Variants in RORA observed in about 807,000 individuals in gnomAD.
RORA encodes the protein RAR related orphan receptor A.
In RORA, 7 loss-of-function variants were observed where a neutral mutation model predicts 69.5. The observed-to-expected ratio is 0.10, with a 90% confidence interval of 0.06 to 0.19. RORA has a LOEUF of 0.19. Ranked by LOEUF, RORA falls within the 10% of genes least tolerant of loss-of-function variation. The probability of loss-of-function intolerance (pLI) is 1.00; values close to 1 mark genes in which losing one functional copy is unlikely to be tolerated. For synonymous variants in RORA, 261 were observed against 240.8 expected (o/e 1.08, Z -0.78); for missense variants, 457 against 663.0 (o/e 0.69, Z 3.41).
chr15:60,882,538 T>C (rs1228561858), intron 1 of RORA, among the ~76,000 whole-genome samples: 1 of 151,844 alleles, frequency 6.6e-6, no homozygotes, highest in Non-Finnish European at 1.5e-5. Context: ...AGTTTGGAGG[T>C]GGTAGAGCTA....
chr15:61,184,644 C>T (rs1383346985), intron 1 of RORA, among the ~76,000 whole-genome samples: 1 of 152,128 alleles, frequency 6.6e-6, no homozygotes, highest in Non-Finnish European at 1.5e-5. Flanking sequence ...GAGTACTTGG[C>T]ATACAGTCAG....
chr15:60,998,702 C>T (rs141850731), intron 1 of RORA, among the ~76,000 whole-genome samples: 1,403 of 129,664 alleles, frequency 0.011, 18 homozygotes, highest in African/African-American at 0.034. Flanking sequence ...CCCACCCCAC[C>T]ATGTATATTT....
intron 1 of RORA, among the ~76,000 whole-genome samples, chr15:60,914,953 A>G (rs1337752760): frequency 6.6e-6 from 1 of 152,116 alleles, no homozygotes; most frequent in Non-Finnish European, 1.5e-5. Flanking sequence ...AAATGCTTCC[A>G]CCTTTCATTT....
chr15:60,559,002 G>A (rs2140415581), intron 2 of RORA, among the ~76,000 whole-genome samples: 1 of 151,938 alleles, frequency 6.6e-6, no homozygotes, highest in South Asian at 2.1e-4. Context: ...TTTTTTATTT[G>A]ATATTACACT....
At chr15:60,791,703 G>C (rs1030033608) in intron 1 of RORA, among the ~76,000 whole-genome samples, 6 of 152,232 alleles carry the variant, frequency 3.9e-5, no homozygotes, top group Admixed American at 6.5e-5. Context: ...GACTCCAAGG[G>C]ACCCAATACG....
chr15:60,704,333 C>G (rs548576707), intron 1 of RORA, among the ~76,000 whole-genome samples: 3 of 152,240 alleles, frequency 2.0e-5, no homozygotes, highest in Non-Finnish European at 4.4e-5. Context: ...GCTGCCCTCC[C>G]GGCATCACAC....
intron 2 of RORA, among the ~76,000 whole-genome samples, chr15:60,560,582 T>G (rs1417315338): frequency 6.6e-6 from 1 of 152,154 alleles, no homozygotes; most frequent in Non-Finnish European, 1.5e-5. Flanking sequence ...GCCTGTAGTC[T>G]CGGCTACTGG....
At chr15:60,943,613 C>G (rs766843732) in intron 1 of RORA, among the ~76,000 whole-genome samples, 33 of 151,932 alleles carry the variant, frequency 2.2e-4, no homozygotes, top group Non-Finnish European at 4.1e-4. Flanking sequence ...CCAGCTATTT[C>G]GCAAAAGTGA....
chr15:60,585,793 A>C (rs2068318046), intron 2 of RORA, among the ~76,000 whole-genome samples: 1 of 152,256 alleles, frequency 6.6e-6, no homozygotes, highest in Non-Finnish European at 1.5e-5. Context: ...TTTAAAATTC[A>C]GTATCCCTTC....
chr15:60,884,803 G>A (rs536497217), intron 1 of RORA, among the ~76,000 whole-genome samples: 114 of 152,272 alleles, frequency 7.5e-4, no homozygotes, highest in Non-Finnish European at 1.1e-3. Flanking sequence ...CCTTCATTTA[G>A]AGCTATAGCT....
At chr15:61,107,462 C>T (rs1009286399) in intron 1 of RORA, among the ~76,000 whole-genome samples, 6 of 152,028 alleles carry the variant, frequency 3.9e-5, no homozygotes, top group Non-Finnish European at 5.9e-5. Flanking sequence ...TTGGTAGGAA[C>T]GTGAGAAAAT....
In RORA at chr15:60,491,694, C is replaced by G. The variant is rs1480868390; in HGVS notation, c.*5761G>C. On this transcript the variant is annotated 3_prime_UTR_variant, in exon 11 of 11. Transcript: ENST00000335670. ...TTTAAAAATTATTCTGAGAGCCTGA[C>G]AACACTGATCTCACCTACACAAACA... 6.6e-6 allele frequency: 1 copy of G among 151,670 alleles called. No homozygotes were observed. Among genetic ancestry groups the G allele is most frequent in the Non-Finnish European group, 1.5e-5 (1 of 67,932 alleles). The allele number at this position is 151,670 out of a possible 1,614,324, so 9.4% of individuals were successfully genotyped here.
intron 2 of RORA, among the ~76,000 whole-genome samples, chr15:60,563,988 T>C (rs1009331609): frequency 1.3e-5 from 2 of 152,212 alleles, no homozygotes; most frequent in Non-Finnish European, 2.9e-5. Flanking sequence ...CAGCCTTTCA[T>C]GGGCTGCTTG....
At position 60,546,033 on chromosome 15, in the gene RORA, G is replaced by A. The variant is rs554866903; in HGVS notation, c.197-14182C>T. Among the ~76,000 whole-genome samples the A allele has an allele frequency of 3.9e-5, 6 of 152,280 alleles. No homozygotes were observed. In the South Asian group the frequency reaches 1.2e-3, roughly 32 times the overall value. ...TGCCTTCAGTCTCTTCTACGTCAGGGAGTCAAGGGGCTGTGGAACCATCCG... is the reference window on the plus strand; with the variant it reads ...TGCCTTCAGTCTCTTCTACGTCAGGAAGTCAAGGGGCTGTGGAACCATCCG... On this transcript the variant is annotated intron_variant, in intron 2 of 10. Coordinates refer to ENST00000335670, the MANE Select transcript of RORA (RefSeq NM_134261.3).
chr15:60,823,121 TCTCTCTC>T lies in RORA; in HGVS notation c.167-144442_167-144436del, dbSNP rs1567203311. 5.6e-3 allele frequency among the ~76,000 whole-genome samples: 655 copies of T among 117,378 alleles called. 9 individuals carry two copies. The highest frequency in any genetic ancestry group is 0.02 in the African/African-American group (625 of 31,938). 77.0% of individuals were successfully genotyped at this position (117,378 alleles called of 152,430 possible). A position where few individuals can be genotyped will look rare whatever the true frequency, so the allele number is the denominator to read the frequency against. On this transcript the variant is annotated intron_variant, in intron 1 of 10. Transcript: ENST00000335670. ...CTTCATTCTTCTCTTTCTCTCTCTC[TCTCTCTC>T]TCTTTCTTTTTTTCTCCCTTCCTTT... is the stretch of plus-strand genomic sequence containing the variant.
chr15:60,542,514 C>CACAG (rs2066909596), intron 2 of RORA, among the ~76,000 whole-genome samples: 1 of 97,200 alleles, frequency 1.0e-5, no homozygotes. Context: ...ACATCTCACA[C>CACAG]ATGGCACACA....
intron 1 of RORA, among the ~76,000 whole-genome samples, chr15:60,685,530 A>C (rs2070730185): frequency 6.6e-6 from 1 of 152,246 alleles, no homozygotes; most frequent in Non-Finnish European, 1.5e-5. Flanking sequence ...ATAGTCAAAA[A>C]GAAAATCTAT....
intron 2 of RORA, among the ~76,000 whole-genome samples, chr15:60,648,585 T>C (rs1170614826): frequency 1.3e-5 from 2 of 152,250 alleles, no homozygotes; most frequent in African/African-American, 2.4e-5. Flanking sequence ...AGAGCAAATG[T>C]AGCATGTTCA....
chr15:61,017,142 T>C lies in RORA; in HGVS notation c.166+211911A>G, dbSNP rs142795749. Among the ~76,000 whole-genome samples, 14 of 152,304 alleles carry C rather than the reference T, an allele frequency of 9.2e-5. No individual in the cohort carries two copies. The East Asian group carries it at 2.7e-3, about 29-fold the overall frequency. On this transcript the variant is annotated intron_variant, in intron 1 of 10. Transcript: ENST00000335670. ...ACATAAAGCAGGCTCTTTTGATTCCTACGTTTTTATTTATTGGCTTAACCT... is the reference window on the plus strand; with the variant it reads ...ACATAAAGCAGGCTCTTTTGATTCCCACGTTTTTATTTATTGGCTTAACCT...
Sources: allele counts gnomAD v4.1 joint callset (sites outside exome capture counted in the v4.1 genomes callset), GRCh38; gene constraint gnomAD v4.1.1; transcripts MANE v1.5; gene names NCBI Gene and HGNC (gene_info 2026-07-23, HGNC 2026-07-21).